NXPH1: variants seen among roughly 807,000 people sequenced by gnomAD.
The protein encoded by NXPH1 is neurexophilin 1, also known as neurexophilin-1.
Under a neutral mutation model 23.7 loss-of-function variants are expected in NXPH1, and 5 were observed. The ratio of observed to expected loss-of-function variants is 0.21; its 90% confidence interval spans 0.11 to 0.44. The LOEUF (loss-of-function observed/expected upper bound fraction) is 0.44, where lower values mean the gene tolerates loss of function less well. Ranked by LOEUF, NXPH1 falls within the 20% of genes least tolerant of loss-of-function variation. The probability of loss-of-function intolerance (pLI) is 0.99; values close to 1 mark genes in which losing one functional copy is unlikely to be tolerated. For missense variants in NXPH1, 324 were observed against 321.6 expected, an observed-to-expected ratio of 1.01 and a Z score of -0.06; for synonymous variants, 144 against 122.2, an observed-to-expected ratio of 1.18 and a Z score of -1.18.
chr7:8,519,354 A>T (rs191158463), intron 2 of NXPH1, among the ~76,000 whole-genome samples: 1 of 152,312 alleles, frequency 6.6e-6, no homozygotes, highest in Non-Finnish European at 1.5e-5. Flanking sequence ...ACTGAGTAAT[A>T]TATATTCTGC....
intron 2 of NXPH1, among the ~76,000 whole-genome samples, chr7:8,546,739 TA>T (rs780202214): frequency 6.6e-6 from 1 of 151,410 alleles, no homozygotes; most frequent in South Asian, 2.1e-4. Context: ...TCCCCTACCA[TA>T]AGCTTGTCTA....
At chr7:8,643,130 T>A (rs1820344564) in intron 2 of NXPH1, among the ~76,000 whole-genome samples, 1 of 151,916 alleles carries the variant, frequency 6.6e-6, no homozygotes, top group Non-Finnish European at 1.5e-5. Context: ...CCCAAAGTGC[T>A]GGGATTACAA....
intron 2 of NXPH1, among the ~76,000 whole-genome samples, chr7:8,474,567 A>G (rs1816935363): frequency 6.6e-6 from 1 of 152,142 alleles, no homozygotes; most frequent in African/African-American, 2.4e-5. Context: ...AAACACATTT[A>G]CAAAAAACAG....
At position 8,706,084 on chromosome 7, in the gene NXPH1, C is replaced by G. The variant is rs190214170; in HGVS notation, c.55-44924C>G. Among the ~76,000 whole-genome samples the G allele has an allele frequency of 3.9e-5, 6 of 152,138 alleles. No individual in the cohort carries two copies. In the East Asian group the frequency reaches 9.7e-4, roughly 25 times the overall value. On this transcript the variant is annotated intron_variant, in intron 2 of 2. Coordinates refer to ENST00000405863, the MANE Select transcript of NXPH1 (RefSeq NM_152745.3). ...GATACTTGTGGAACTTCTTAAAAACCCTTATAGGAGAATTAGGGTTATAGT... is the reference window on the plus strand; with the variant it reads ...GATACTTGTGGAACTTCTTAAAAACGCTTATAGGAGAATTAGGGTTATAGT...
intron 2 of NXPH1, among the ~76,000 whole-genome samples, chr7:8,505,227 T>C (rs1053476605): frequency 6.6e-6 from 1 of 152,056 alleles, no homozygotes; most frequent in Non-Finnish European, 1.5e-5. Flanking sequence ...CTTAACTCTC[T>C]GTTTCTAATT....
chr7:8,493,600 T>C (rs548728279), intron 2 of NXPH1, among the ~76,000 whole-genome samples: 134 of 152,198 alleles, frequency 8.8e-4, no homozygotes, highest in Non-Finnish European at 1.7e-3. Flanking sequence ...ATATTTTCTC[T>C]CCTTGACCTG....
At chr7:8,649,983 G>A (rs1820464746) in intron 2 of NXPH1, among the ~76,000 whole-genome samples, 1 of 152,068 alleles carries the variant, frequency 6.6e-6, no homozygotes, top group African/African-American at 2.4e-5. Context: ...TACAGTCAGT[G>A]AATTGGACAT....
intron 2 of NXPH1, among the ~76,000 whole-genome samples, chr7:8,664,047 C>G (rs926454437): frequency 6.6e-6 from 1 of 151,764 alleles, no homozygotes; most frequent in African/African-American, 2.4e-5. Context: ...TCTTGTTACC[C>G]TTTTTACTGA....
At chr7:8,681,723 T>G (rs1465822437) in intron 2 of NXPH1, among the ~76,000 whole-genome samples, 1 of 152,236 alleles carries the variant, frequency 6.6e-6, no homozygotes, top group African/African-American at 2.4e-5. Flanking sequence ...ACAAAGTTTA[T>G]GTTTATTAGT....
chr7:8,506,237 G>T (rs931465843), intron 2 of NXPH1, among the ~76,000 whole-genome samples: 1 of 151,936 alleles, frequency 6.6e-6, no homozygotes, highest in African/African-American at 2.4e-5. Flanking sequence ...CCTCTTCCTT[G>T]CCTGGATTGA....
chr7:8,552,281 G>A (rs984897116), intron 2 of NXPH1, among the ~76,000 whole-genome samples: 9 of 151,420 alleles, frequency 5.9e-5, no homozygotes, highest in Non-Finnish European at 5.9e-5. Flanking sequence ...AGCAATAACC[G>A]ATAGCAAGCA....
intron 2 of NXPH1, among the ~76,000 whole-genome samples, chr7:8,633,303 C>T (rs775411648): frequency 6.6e-6 from 1 of 152,174 alleles, no homozygotes; most frequent in Non-Finnish European, 1.5e-5. Context: ...TGGCATGCGC[C>T]TGTAATCCCA....
At chr7:8,473,144 A>G (rs191479224) in intron 2 of NXPH1, among the ~76,000 whole-genome samples, 1 of 152,186 alleles carries the variant, frequency 6.6e-6, no homozygotes, top group African/African-American at 2.4e-5. Context: ...CCATTTTCGT[A>G]TCTGAAGTTT....
At chr7:8,504,406 A>G (rs1394753092) in intron 2 of NXPH1, among the ~76,000 whole-genome samples, 3 of 151,750 alleles carry the variant, frequency 2.0e-5, no homozygotes, top group South Asian at 2.1e-4. Context: ...CAAGGTGTGG[A>G]TTTTCAGTCA....
intron 2 of NXPH1, among the ~76,000 whole-genome samples, chr7:8,553,252 T>C (rs775522929): frequency 1.3e-5 from 2 of 151,658 alleles, no homozygotes; most frequent in South Asian, 2.1e-4. Context: ...TTTGTCTTCA[T>C]TGGGGTTTAA....
At chr7:8,579,471 C>G (rs1818823978) in intron 2 of NXPH1, among the ~76,000 whole-genome samples, 1 of 151,634 alleles carries the variant, frequency 6.6e-6, no homozygotes, top group Admixed American at 6.6e-5. Context: ...CTCCCAGGTT[C>G]AAGCAATTCT....
At chr7:8,680,072 G>A (rs1249341507) in intron 2 of NXPH1, among the ~76,000 whole-genome samples, 3 of 152,192 alleles carry the variant, frequency 2.0e-5, no homozygotes, top group Non-Finnish European at 4.4e-5. Flanking sequence ...ACACGGAGTG[G>A]TATTTGTTCA....
chr7:8,457,449 C>A (rs1816615960), intron 2 of NXPH1, among the ~76,000 whole-genome samples: 1 of 152,046 alleles, frequency 6.6e-6, no homozygotes, highest in African/African-American at 2.4e-5. Context: ...CCTGGAGGCC[C>A]ACATTCTTAA....
At chr7:8,723,289 T>G (rs1779997988) in intron 2 of NXPH1, among the ~76,000 whole-genome samples, 1 of 152,236 alleles carries the variant, frequency 6.6e-6, no homozygotes. Context: ...GGCTCTGTTC[T>G]CTGCTTCAAT....
Sources: allele counts gnomAD v4.1 joint callset (sites outside exome capture counted in the v4.1 genomes callset), GRCh38; gene constraint gnomAD v4.1.1; transcripts MANE v1.5; gene names NCBI Gene and HGNC (gene_info 2026-07-23, HGNC 2026-07-21).